The following TMC7 variants were observed in gnomAD, a reference collection of about 807,000 sequenced individuals.
TMC7 encodes transmembrane channel-like protein 7.
A neutral mutation model predicts 82.9 loss-of-function variants in TMC7; 54 were observed. The observed-to-expected ratio is 0.65, with a 90% CI of 0.52 to 0.82. The LOEUF is 0.82. Among genes scored for constraint, TMC7 ranks in the 40% least tolerant of loss-of-function variants. The pLI is 0.00. For synonymous variants in TMC7, 350 were observed against 337.9 expected (o/e 1.04, Z -0.39); for missense variants, 820 against 901.2 (o/e 0.91, Z 1.15).
intron 5 of TMC7, 41 bp from the exon 6 acceptor site, chr16:19,030,183 A>T: frequency 1.9e-6 from 3 of 1,591,774 alleles, no homozygotes; most frequent in Non-Finnish European, 2.6e-6. Context: ...TCCCTGCAGT[A>T]AGCTGACCAG....
At position 19,063,841 on chromosome 16, in the gene TMC7, T is replaced by G. The variant is rs1158087299; in HGVS notation, c.*1998T>G. 6.6e-6 allele frequency: 1 copy of G among 152,172 alleles called. No individual in the cohort carries two copies. The highest frequency in any genetic ancestry group is 1.5e-5 in the Non-Finnish European group (1 of 68,032). The allele number at this position is 152,172 out of a possible 1,614,324, so 9.4% of individuals were successfully genotyped here. A position where few individuals can be genotyped will look rare whatever the true frequency, so the allele number is the denominator to read the frequency against. On this transcript the variant is annotated 3_prime_UTR_variant, in exon 16 of 16. Transcript: ENST00000304381. ...AGGTTTTTAATATGTTTTGATAACT[T>G]TAATAACTTCAGGTGATGTCTGTAT...
Position 19,047,066 on chromosome 16 carries a change from C to G in TMC7, c.1557C>G (p.Leu519=). The part of the protein sequence containing the change: ...VTLFVDFPRK[L]LVTYCSSCKL... ...AATGAGAATTGTCTGTTTCCAGGCT[C>G]CTGGTGACCTACTGTTCCTCTTGCA... is the stretch of plus-strand genomic sequence containing the variant. The change falls in exon 12 of 16, where the codon CTC becomes CTG. Residue 519 remains leucine, a synonymous_variant. Coordinates refer to ENST00000304381, the MANE Select transcript of TMC7 (RefSeq NM_024847.4). The G allele has an allele frequency of 6.2e-7, 1 of 1,604,942 alleles. No individual in the cohort carries two copies. Among genetic ancestry groups the G allele is most frequent in the East Asian group, 2.2e-5 (1 of 44,802 alleles).
chr16:19,015,949 A>T (rs1959667150), intron 2 of TMC7, among the ~76,000 whole-genome samples: 1 of 152,152 alleles, frequency 6.6e-6, no homozygotes, highest in Non-Finnish European at 1.5e-5. Context: ...TACATGGCAC[A>T]TGGTTATTCT....
intron 6 of TMC7, 73 bp downstream of exon 6, chr16:19,030,442 G>A (rs529007755): frequency 1.8e-5 from 27 of 1,516,752 alleles, no homozygotes; most frequent in Non-Finnish European, 2.4e-5. Context: ...GGGAGCTCTG[G>A]AAGCCATTGC....
intron 12 of TMC7, among the ~76,000 whole-genome samples, chr16:19,050,138 G>A (rs1482894229): frequency 6.6e-6 from 1 of 151,972 alleles, no homozygotes; most frequent in Admixed American, 6.6e-5. Flanking sequence ...TTGGGAGGCC[G>A]AGGCCGGTGG....
At chr16:19,002,234 CTT>C (rs558887362) in intron 1 of TMC7, among the ~76,000 whole-genome samples, 46 of 126,988 alleles carry the variant, frequency 3.6e-4, no homozygotes, top group Middle Eastern at 4.2e-3. Flanking sequence ...TGGAGGGCCG[CTT>C]TTTTTTTTTT....
intron 1 of TMC7, among the ~76,000 whole-genome samples, chr16:18,995,291 A>G (rs1175522915): frequency 6.6e-6 from 1 of 152,122 alleles, no homozygotes; most frequent in African/African-American, 2.4e-5. Context: ...TAGCCTCCGT[A>G]TTGATTAAGA....
intron 2 of TMC7, among the ~76,000 whole-genome samples, chr16:19,014,316 TC>T (rs1347530630): frequency 1.3e-5 from 2 of 152,130 alleles, no homozygotes; most frequent in Non-Finnish European, 2.9e-5. Flanking sequence ...ATCAAAGATG[TC>T]CCCAGACCAT....
intron 1 of TMC7, among the ~76,000 whole-genome samples, chr16:18,998,482 C>A (rs894302502): frequency 3.3e-5 from 5 of 151,610 alleles, no homozygotes; most frequent in Non-Finnish European, 7.4e-5. Context: ...TGGCTGGACG[C>A]GGTGGCTCAC....
intron 5 of TMC7, among the ~76,000 whole-genome samples, chr16:19,027,778 G>A (rs1192752154): frequency 6.6e-6 from 1 of 151,994 alleles, no homozygotes; most frequent in African/African-American, 2.4e-5. Flanking sequence ...AAGAATGCAC[G>A]GTTGTCTTGT....
Position 19,030,331 on chromosome 16 carries a change from C to G in TMC7, c.819C>G (p.Ile273Met), listed in dbSNP as rs755461576. The change falls in exon 6 of 16, where the codon ATC becomes ATG. Residue 273 changes from isoleucine (I) to methionine (M), a missense_variant. Physicochemically the swap from Ile to Met is conservative, Grantham distance 10. Transcript: ENST00000304381. ...DLPLAYLLSTIASLALSLLWI... is the reference protein window; with the variant it reads ...DLPLAYLLSTMASLALSLLWI... ...CCCTGGCGTATTTGTTAAGCACAAT[C>G]GCCTCCCTGGCCCTGAGCCTTCTTT... is the stretch of plus-strand genomic sequence containing the variant. 2.5e-6 allele frequency: 4 copies of G among 1,613,534 alleles called. No individual in the cohort carries two copies. The highest frequency in any genetic ancestry group is 3.4e-6 in the Non-Finnish European group (4 of 1,179,830).
intron 11 of TMC7, among the ~76,000 whole-genome samples, chr16:19,046,762 G>T (rs1036685983): frequency 6.6e-6 from 1 of 151,822 alleles, no homozygotes; most frequent in Non-Finnish European, 1.5e-5. Flanking sequence ...GAGCCTTGGA[G>T]GTCGAGGGTA....
At chr16:18,997,983 C>T (rs1172594063) in intron 1 of TMC7, among the ~76,000 whole-genome samples, 3 of 151,848 alleles carry the variant, frequency 2.0e-5, no homozygotes, top group Non-Finnish European at 4.4e-5. Context: ...CCGCCCGCCT[C>T]GGTCTCCCAA....
Position 19,048,268 on chromosome 16 carries a change from G to A in TMC7, c.1740+1019G>A, listed in dbSNP as rs373434408. Among the ~76,000 whole-genome samples the A allele has an allele frequency of 7.9e-5, 12 of 151,750 alleles. No individual in the cohort carries two copies. The East Asian group carries it at 9.7e-4, about 12-fold the overall frequency. ...TGGAATTGCAGGTGTGAGCCACCCC[G>A]CCTGGACCAGTGCATTTATTTTCGG... On this transcript the variant is annotated intron_variant, in intron 12 of 15. Transcript: ENST00000304381.
chr16:18,986,788 G>A lies in TMC7; in HGVS notation c.67+2658G>A, dbSNP rs566498088. Among the ~76,000 whole-genome samples the A allele has an allele frequency of 7.9e-5, 12 of 151,254 alleles. No individual in the cohort carries two copies. In the South Asian group the frequency reaches 8.4e-4, roughly 11 times the overall value. ...GGTCTTTGCATCTGCTGTTCTCTTCGCCTGGACTCCTCTTGGTTCTTTTTT... is the reference window on the plus strand; with the variant it reads ...GGTCTTTGCATCTGCTGTTCTCTTCACCTGGACTCCTCTTGGTTCTTTTTT... On this transcript the variant is annotated intron_variant, in intron 1 of 15. Coordinates refer to ENST00000304381, the MANE Select transcript of TMC7 (RefSeq NM_024847.4).
intron 15 of TMC7, among the ~76,000 whole-genome samples, chr16:19,060,429 T>A (rs1215789018): frequency 6.6e-6 from 1 of 152,074 alleles, no homozygotes; most frequent in African/African-American, 2.4e-5. Flanking sequence ...GGTCTTGAAC[T>A]CCTGGGCTCA....
Position 19,000,214 on chromosome 16 carries a change from C to T in TMC7, c.68-8958C>T, listed in dbSNP as rs561525827. Reference sequence around the variant, plus strand: ...GGCATGGTGGCTCACGCCTGTAATCCCAGCACTTTGGGAGGCTGAGGCAAG... The same window carrying T: ...GGCATGGTGGCTCACGCCTGTAATCTCAGCACTTTGGGAGGCTGAGGCAAG... On this transcript the variant is annotated intron_variant, in intron 1 of 15. Transcript: ENST00000304381. Among the ~76,000 whole-genome samples the T allele has an allele frequency of 9.2e-5, 14 of 152,012 alleles. No individual in the cohort carries two copies. The East Asian group carries it at 2.5e-3, about 28-fold the overall frequency.
rs370203295 is a variant in TMC7 at position 18,984,536 on chromosome 16, T to C, written c.67+406T>C. On this transcript the variant is annotated intron_variant, in intron 1 of 15. Transcript: ENST00000304381. ...AGCCTTCACATACAGTTAGACCAAC[T>C]TGAAACCGAATTCTGCCTTGTCTGT... 51 of 1,013,916 alleles carry C rather than the reference T, an allele frequency of 5.0e-5. 1 individual carries two copies. The African/African-American group carries it at 8.8e-4, about 17-fold the overall frequency. The allele number at this position is 1,013,916 out of a possible 1,614,324, so 62.8% of individuals were successfully genotyped here. A position where few individuals can be genotyped will look rare whatever the true frequency, so the allele number is the denominator to read the frequency against.
chr16:19,014,733 G>A lies in TMC7; in HGVS notation c.312-1717G>A, dbSNP rs541141771. Among the ~76,000 whole-genome samples the A allele has an allele frequency of 2.6e-5, 4 of 152,220 alleles. No individual in the cohort carries two copies. In the South Asian group the frequency reaches 8.3e-4, roughly 32 times the overall value. ...GCACTTCCCCCAGGGAGCTGTCGTT[G>A]TTGGACGTCAGCCTGTTTGCCTTCC... is the stretch of plus-strand genomic sequence containing the variant. On this transcript the variant is annotated intron_variant, in intron 2 of 15. Coordinates refer to ENST00000304381, the MANE Select transcript of TMC7 (RefSeq NM_024847.4).
Sources: gnomAD v4.1 joint callset for allele counts (sites outside exome capture counted in the v4.1 genomes callset) on GRCh38, gnomAD v4.1.1 for gene constraint, MANE v1.5 for transcripts, NCBI Gene and HGNC (gene_info 2026-07-23, HGNC 2026-07-21) for gene names.